The following RNGTT variants were observed in gnomAD, a reference collection of about 807,000 sequenced individuals.
RNGTT encodes RNA guanylyltransferase and 5'-phosphatase, also known as mRNA-capping enzyme.
In RNGTT, 33 loss-of-function variants were observed where a neutral mutation model predicts 79.3. The ratio of observed to expected loss-of-function variants is 0.42; its 90% CI spans 0.32 to 0.56. RNGTT has a LOEUF of 0.56. RNGTT is among the 20% of genes least tolerant of loss of function. The pLI is 0.17. For missense variants in RNGTT, 497 were observed against 739.1 expected, an observed-to-expected ratio of 0.67 and a Z score of 3.80; for synonymous variants, 222 against 235.9, an observed-to-expected ratio of 0.94 and a Z score of 0.54.
intron 11 of RNGTT, among the ~76,000 whole-genome samples, chr6:88,843,598 G>A (rs1299946964): frequency 2.6e-5 from 3 of 114,078 alleles, no homozygotes; most frequent in East Asian, 2.7e-4. Context: ...TTGCTCTGTC[G>A]CCCAGGCTGG....
At chr6:88,662,399 C>G (rs922048112) in intron 14 of RNGTT, among the ~76,000 whole-genome samples, 4 of 152,180 alleles carry the variant, frequency 2.6e-5, no homozygotes, top group African/African-American at 9.7e-5. Flanking sequence ...TCACGTAGCC[C>G]CCACTTGCAC....
chr6:88,889,171 T>C (rs112081610), intron 8 of RNGTT, among the ~76,000 whole-genome samples: 1,980 of 152,326 alleles, frequency 0.013, 18 homozygotes, highest in Non-Finnish European at 0.019. Context: ...TTCTGAATTT[T>C]GTCAAATGAA....
chr6:88,895,497 A>G (rs966683460), intron 6 of RNGTT, among the ~76,000 whole-genome samples: 6 of 152,282 alleles, frequency 3.9e-5, no homozygotes, highest in South Asian at 2.1e-4. Context: ...GACATGTGCC[A>G]CAGTTATAAA....
chr6:88,760,384 C>T (rs1448712937), intron 13 of RNGTT, among the ~76,000 whole-genome samples: 2 of 152,192 alleles, frequency 1.3e-5, no homozygotes, highest in African/African-American at 2.4e-5. Flanking sequence ...CCTAGGCACA[C>T]TGGAAGTAAA....
intron 11 of RNGTT, among the ~76,000 whole-genome samples, chr6:88,816,865 A>G (rs1305857851): frequency 6.6e-6 from 1 of 152,170 alleles, no homozygotes; most frequent in Non-Finnish European, 1.5e-5. Context: ...GGAAGTAATC[A>G]CAGTCTAAGG....
chr6:88,675,993 C>G (rs1405846409), intron 14 of RNGTT, among the ~76,000 whole-genome samples: 1 of 152,104 alleles, frequency 6.6e-6, no homozygotes, highest in East Asian at 1.9e-4. Context: ...GCAAACTGAT[C>G]TATACATTCA....
chr6:88,710,058 T>G (rs1294887363), intron 13 of RNGTT, among the ~76,000 whole-genome samples: 1 of 152,244 alleles, frequency 6.6e-6, no homozygotes, highest in Non-Finnish European at 1.5e-5. Flanking sequence ...GTATGTATAA[T>G]TATTGATTTG....
intron 13 of RNGTT, among the ~76,000 whole-genome samples, chr6:88,744,482 G>A (rs899134330): frequency 3.9e-5 from 6 of 151,984 alleles, no homozygotes; most frequent in African/African-American, 9.7e-5. Flanking sequence ...AGATATTCTC[G>A]ATCTCCTGAC....
chr6:88,941,133 G>C lies in RNGTT; in HGVS notation c.112C>G (p.Gln38Glu). ...KTMLGPRYDS[Q>E]VAEENRFHPS... is the part of the protein sequence containing the mutation. ...TGGAACCGATTTTCTTCAGCAACTTGACTATCATATCTTGGTCCTAACATT... is the reference window on the plus strand; with the variant it reads ...TGGAACCGATTTTCTTCAGCAACTTCACTATCATATCTTGGTCCTAACATT... Residue 38 changes from glutamine to glutamate, a missense_variant, in exon 2 of 16, where the codon CAA (glutamine) becomes GAA (glutamate). Around this residue, in one of 3 missense-constraint regions of RNGTT, gnomAD observed 440 missense variants for 671.5 expected, o/e 0.66. Coordinates refer to ENST00000369485, the MANE Select transcript of RNGTT (RefSeq NM_003800.5). The C allele has an allele frequency of 6.2e-7, 1 of 1,613,464 alleles. No individual in the cohort carries two copies. Among genetic ancestry groups the C allele is most frequent in the Non-Finnish European group, 8.5e-7 (1 of 1,179,540 alleles).
intron 8 of RNGTT, among the ~76,000 whole-genome samples, chr6:88,874,756 G>GCACTACT (rs1782464304): frequency 6.6e-6 from 1 of 151,934 alleles, no homozygotes; most frequent in Non-Finnish European, 1.5e-5. Context: ...CTGGTCAGCA[G>GCACTACT]CACTACTCAA....
intron 14 of RNGTT, among the ~76,000 whole-genome samples, chr6:88,650,654 G>A (rs1296706732): frequency 6.6e-6 from 1 of 151,784 alleles, no homozygotes; most frequent in East Asian, 1.9e-4. Context: ...AGCTAATCAG[G>A]GCACTCAAAA....
At position 88,890,660 on chromosome 6, in the gene RNGTT, A is replaced by G. The variant is rs1340272685; in HGVS notation, c.795-64T>C. On this transcript the variant is annotated intron_variant, in intron 7 of 15. Coordinates refer to ENST00000369485, the MANE Select transcript of RNGTT (RefSeq NM_003800.5). ...CCATACAAAGCAATACATGTCTTAA[A>G]CCAATCTCAAATGAATCACACATTT... The G allele has an allele frequency of 9.8e-6, 10 of 1,025,140 alleles. No individual in the cohort carries two copies. The East Asian group carries it at 2.6e-4, about 26-fold the overall frequency. 63.5% of individuals were successfully genotyped at this position (1,025,140 alleles called of 1,614,324 possible). A position where few individuals can be genotyped will look rare whatever the true frequency, so the allele number is the denominator to read the frequency against.
At chr6:88,931,187 T>TAAAAAAAAAAAAAAAAAAAAAA (rs34070183) in intron 2 of RNGTT, among the ~76,000 whole-genome samples, 8 of 101,934 alleles carry the variant, frequency 7.8e-5, no homozygotes, top group Non-Finnish European at 7.7e-5. Flanking sequence ...TATAAAGCTG[T>TAAAAAAAAAAAAAAAAAAAAAA]AAAAAAAAAA....
intron 2 of RNGTT, among the ~76,000 whole-genome samples, chr6:88,935,952 T>C (rs900156055): frequency 3.9e-5 from 6 of 152,194 alleles, no homozygotes; most frequent in African/African-American, 1.4e-4. Flanking sequence ...CAGGGTCTCA[T>C]TCTTTTGCCC....
chr6:88,872,353 A>G (rs1782384222), intron 8 of RNGTT, among the ~76,000 whole-genome samples: 1 of 152,128 alleles, frequency 6.6e-6, no homozygotes, highest in East Asian at 1.9e-4. Context: ...TTGAAATGAC[A>G]ACAGCCCTGG....
At chr6:88,827,857 C>A (rs949458928) in intron 11 of RNGTT, among the ~76,000 whole-genome samples, 3 of 152,120 alleles carry the variant, frequency 2.0e-5, no homozygotes, top group Admixed American at 6.6e-5. Context: ...CCTCCCTGGG[C>A]AGGGTGTCTG....
chr6:88,826,034 T>A lies in RNGTT; in HGVS notation c.1269+18323A>T, dbSNP rs145277767. Among the ~76,000 whole-genome samples, 30 of 152,340 alleles carry A rather than the reference T, an allele frequency of 2.0e-4. No individual in the cohort carries two copies. In the South Asian group the frequency reaches 6.2e-3, roughly 32 times the overall value. ...GAGTTCTTCCCTCTTTTGGGAAATA[T>A]ATACTTCCCCATTTCACAGCCCACA... is the stretch of plus-strand genomic sequence containing the variant. On this transcript the variant is annotated intron_variant, in intron 11 of 15. Coordinates refer to ENST00000369485, the MANE Select transcript of RNGTT (RefSeq NM_003800.5).
chr6:88,837,444 A>G (rs1781119060), intron 11 of RNGTT, among the ~76,000 whole-genome samples: 1 of 152,164 alleles, frequency 6.6e-6, no homozygotes, highest in South Asian at 2.1e-4. Context: ...ATTTTTTTAA[A>G]CCAAGTTTTT....
intron 13 of RNGTT, among the ~76,000 whole-genome samples, chr6:88,735,691 G>A (rs984566273): frequency 6.6e-6 from 1 of 151,884 alleles, no homozygotes; most frequent in African/African-American, 2.4e-5. Context: ...TCAAAGCAGT[G>A]ATTTCAGGGA....
Sources: gnomAD v4.1 joint callset for allele counts (sites outside exome capture counted in the v4.1 genomes callset) on GRCh38, gnomAD v4.1.1 for gene constraint, gnomAD v4.1.1 regional missense constraint, MANE v1.5 for transcripts, NCBI Gene and HGNC (gene_info 2026-07-23, HGNC 2026-07-21) for gene names.